Variants in KIF21A observed in about 807,000 individuals in gnomAD.
KIF21A encodes the protein kinesin-like protein KIF21A.
KIF21A carries 114 observed loss-of-function variants against 202.9 expected under a neutral mutation model. That is an observed-to-expected ratio of 0.56 (90% CI 0.48 to 0.66). The LOEUF is 0.66. Among genes scored for constraint, KIF21A ranks in the 30% least tolerant of loss-of-function variants. KIF21A has a pLI of 0.00. For synonymous variants in KIF21A, 667 were observed against 670.8 expected (o/e 0.99, Z 0.09); for missense variants, 1,677 against 1,994.9 (o/e 0.84, Z 3.04).
In KIF21A at chr12:39,442,729, C is replaced by T. The variant is rs1447541437; in HGVS notation, c.44+198G>A. Among the ~76,000 whole-genome samples, 2 of 152,162 alleles carry T rather than the reference C, an allele frequency of 1.3e-5. No homozygotes were observed. The highest frequency in any genetic ancestry group is 4.8e-5 in the African/African-American group (2 of 41,446). Reference sequence around the variant, plus strand: ...GCAAACACAGACGGCGTGAGGGCGGCGCAGTCGCCCTGCCAGCACCCGGCC... The same window carrying T: ...GCAAACACAGACGGCGTGAGGGCGGTGCAGTCGCCCTGCCAGCACCCGGCC... On this transcript the variant is annotated intron_variant, in intron 1 of 37. Coordinates refer to ENST00000361418, the MANE Select transcript of KIF21A (RefSeq NM_001173464.2). This position sits in a 1 kb window ranked among gnomAD's most constrained non-coding sequence, Gnocchi z 5.0.
Position 39,379,958 on chromosome 12 carries a change from C to A in KIF21A, c.45-9697G>T, listed in dbSNP as rs564679248. Among the ~76,000 whole-genome samples the A allele has an allele frequency of 4.2e-4, 64 of 152,172 alleles. 1 individual carries two copies. In the South Asian group the frequency reaches 0.013, roughly 31 times the overall value. On this transcript the variant is annotated intron_variant, in intron 1 of 37. Coordinates refer to ENST00000361418, the MANE Select transcript of KIF21A (RefSeq NM_001173464.2). Reference sequence around the variant, plus strand: ...CAGGGTTAATCTCAGGAAATGGTAACAACACTTTTTGTTTTTTTGTTTTTT... The same window carrying A: ...CAGGGTTAATCTCAGGAAATGGTAAAAACACTTTTTGTTTTTTTGTTTTTT...
At chr12:39,317,502 C>T (rs57751730) in intron 29 of KIF21A, among the ~76,000 whole-genome samples, 2,288 of 152,164 alleles carry the variant, frequency 0.015, 47 homozygotes, top group African/African-American at 0.051. Flanking sequence ...TTTCCACATC[C>T]CTCCAACTTC....
intron 1 of KIF21A, among the ~76,000 whole-genome samples, chr12:39,434,170 C>T (rs1172691437): frequency 2.0e-5 from 3 of 152,192 alleles, no homozygotes; most frequent in Non-Finnish European, 4.4e-5. Flanking sequence ...CTGCATCTGG[C>T]ACGGTCTTTC....
chr12:39,321,169 C>T lies in KIF21A; in HGVS notation c.3672-1156G>A, dbSNP rs541053424. ...ACGCAGTAATGGCTTATAAGAGTTACTGCACCAAGTGAGTGACCAAACTCT... is the reference window on the plus strand; with the variant it reads ...ACGCAGTAATGGCTTATAAGAGTTATTGCACCAAGTGAGTGACCAAACTCT... On this transcript the variant is annotated intron_variant, in intron 27 of 37. Transcript: ENST00000361418. 1.1e-4 allele frequency among the ~76,000 whole-genome samples: 16 copies of T among 152,212 alleles called. No individual in the cohort carries two copies. The South Asian group carries it at 3.3e-3, about 32-fold the overall frequency.
chr12:39,344,275 CT>C (rs1947702673), intron 12 of KIF21A, among the ~76,000 whole-genome samples: 1 of 152,120 alleles, frequency 6.6e-6, no homozygotes, highest in Non-Finnish European at 1.5e-5. Flanking sequence ...AGAAATTCCC[CT>C]TTCATCCAAT....
intron 20 of KIF21A, 81 bp from the exon 21 acceptor site, chr12:39,332,489 A>G (rs1399751811): frequency 4.2e-5 from 34 of 819,002 alleles, no homozygotes; most frequent in Non-Finnish European, 5.6e-5. Flanking sequence ...CCACCCCCCA[A>G]AAAAAACTTG....
At chr12:39,331,846 C>T (rs1389968240) in intron 21 of KIF21A, 55 bp from the exon 22 acceptor site, 1 of 1,277,734 alleles carries the variant, frequency 7.8e-7, no homozygotes, top group Non-Finnish European at 1.1e-6. Flanking sequence ...AAACAGAAGG[C>T]AACAGCCTAT....
In KIF21A at chr12:39,307,645, G is replaced by A. The variant is rs1199867799; in HGVS notation, c.4362C>T (p.Ile1454=). Residue 1454 remains isoleucine (I), a synonymous_variant, in exon 34 of 38, where the codon ATC becomes ATT. Coordinates refer to ENST00000361418, the MANE Select transcript of KIF21A (RefSeq NM_001173464.2). ...CAGTTGGGTTTAGGGCAATTTGATT[G>A]ATCTGGTTCTCTCCAGAAGGAATAG... The part of the protein sequence containing the change: ...TVAIPSGENQ[I]NQIALNPTGT... The A allele has an allele frequency of 4.3e-6, 7 of 1,613,852 alleles. No individual in the cohort carries two copies. Among genetic ancestry groups the A allele is most frequent in the Non-Finnish European group, 5.1e-6 (6 of 1,179,850 alleles).
intron 12 of KIF21A, among the ~76,000 whole-genome samples, chr12:39,345,967 CCTTTT>C (rs1438827267): frequency 6.7e-6 from 1 of 150,234 alleles, no homozygotes; most frequent in Non-Finnish European, 1.5e-5. Flanking sequence ...GCCACAGTTT[CCTTTT>C]GTTTGTTGTC....
chr12:39,440,315 TG>T (rs1345540215), intron 1 of KIF21A, among the ~76,000 whole-genome samples: 1 of 152,258 alleles, frequency 6.6e-6, no homozygotes, highest in African/African-American at 2.4e-5. Flanking sequence ...GTTAAGAACT[TG>T]GGCTACTGAG....
At chr12:39,391,475 C>T (rs1447431013) in intron 1 of KIF21A, among the ~76,000 whole-genome samples, 1 of 151,980 alleles carries the variant, frequency 6.6e-6, no homozygotes, top group Non-Finnish European at 1.5e-5. Flanking sequence ...TGGTGGCTCA[C>T]GTCTGTAATC....
At chr12:39,380,167 C>T (rs1340523092) in intron 1 of KIF21A, among the ~76,000 whole-genome samples, 2 of 152,144 alleles carry the variant, frequency 1.3e-5, no homozygotes, top group African/African-American at 2.4e-5. Flanking sequence ...AGGGTTTCAC[C>T]GTGTTGCCCA....
intron 1 of KIF21A, among the ~76,000 whole-genome samples, chr12:39,427,322 C>G (rs1954843614): frequency 6.6e-6 from 1 of 152,154 alleles, no homozygotes; most frequent in Non-Finnish European, 1.5e-5. Context: ...GAACTTGGAG[C>G]AATAGCTTTC....
chr12:39,409,089 G>A (rs927843290), intron 1 of KIF21A, among the ~76,000 whole-genome samples: 2 of 151,720 alleles, frequency 1.3e-5, no homozygotes. Context: ...TCCTGCCTTG[G>A]CCTCTGAAAG....
In KIF21A at chr12:39,396,872, A is replaced by T. The variant is rs1443465454; in HGVS notation, c.45-26611T>A. On this transcript the variant is annotated intron_variant, in intron 1 of 37. Transcript: ENST00000361418. ...CCATACAATCCAACACTGCTCTGCA[A>T]TAAAAAGGAATAAACTACTGACACA... Among the ~76,000 whole-genome samples the T allele has an allele frequency of 4.6e-5, 7 of 152,364 alleles. No individual in the cohort carries two copies. The East Asian group carries it at 1.3e-3, about 29-fold the overall frequency.
Position 39,367,129 on chromosome 12 carries a change from C to A in KIF21A, c.636G>T (p.Arg212=). 6.2e-7 allele frequency: 1 copy of A among 1,613,832 alleles called. No homozygotes were observed. The highest frequency in any genetic ancestry group is 1.7e-5 in the Admixed American group (1 of 59,976). The change falls in exon 5 of 38, where the codon CGG becomes CGT. Residue 212 remains arginine (R), a synonymous_variant. Coordinates refer to ENST00000361418, the MANE Select transcript of KIF21A (RefSeq NM_001173464.2). Reference sequence around the variant, plus strand: ...CATTCATCTGGGTACTGGCAGTTGTCCGGGATAAAGCACCCAACTTCAAAC... The same window carrying A: ...CATTCATCTGGGTACTGGCAGTTGTACGGGATAAAGCACCCAACTTCAAAC... ...MQCLKLGALS[R]TTASTQMNVQ...
intron 10 of KIF21A, among the ~76,000 whole-genome samples, chr12:39,353,926 A>G (rs925649363): frequency 6.6e-6 from 1 of 152,090 alleles, no homozygotes; most frequent in Non-Finnish European, 1.5e-5. Flanking sequence ...TTCATTTAAT[A>G]GAGACTAAAG....
At chr12:39,345,304 T>G (rs951406084) in intron 12 of KIF21A, among the ~76,000 whole-genome samples, 1 of 152,078 alleles carries the variant, frequency 6.6e-6, no homozygotes, top group Admixed American at 6.6e-5. Context: ...CCTTTCAGAA[T>G]AGAAGAAATT....
Position 39,309,684 on chromosome 12 carries a change from T to G in KIF21A, c.4179A>C (p.Val1393=), listed in dbSNP as rs1157149117. Residue 1393 remains valine, a synonymous_variant, in exon 33 of 38, where the codon GTA becomes GTC. Coordinates refer to ENST00000361418, the MANE Select transcript of KIF21A (RefSeq NM_001173464.2). The part of the protein sequence containing the change: ...LGGHPNNVVS[V]KYCNYTSLVF... ...CCAAACTGGTATAATTACAGTATTT[T>G]ACAGACACGACATTGTTGGGATGAC... 1.2e-6 allele frequency: 2 copies of G among 1,613,440 alleles called. No individual in the cohort carries two copies. The highest frequency in any genetic ancestry group is 1.7e-6 in the Non-Finnish European group (2 of 1,179,692).
Sources: allele counts gnomAD v4.1 joint callset (sites outside exome capture counted in the v4.1 genomes callset), GRCh38; gene constraint gnomAD v4.1.1; non-coding constraint Gnocchi (gnomAD v3.1); transcripts MANE v1.5; gene names NCBI Gene and HGNC (gene_info 2026-07-23, HGNC 2026-07-21).